Variants in SCFD2 observed in about 807,000 individuals in gnomAD.
SCFD2 encodes the protein sec1 family domain-containing protein 2.
A neutral mutation model predicts 58.9 loss-of-function variants in SCFD2; 54 were observed. The observed-to-expected ratio is 0.92, with a 90% CI of 0.74 to 1.15. SCFD2 has a LOEUF of 1.15. Among genes scored for constraint, SCFD2 ranks in the 50% most tolerant of loss-of-function variants. SCFD2 has a pLI of 0.00. For synonymous variants in SCFD2, 321 were observed against 335.9 expected (o/e 0.96, Z 0.49); for missense variants, 805 against 836.6 (o/e 0.96, Z 0.47).
At chr4:53,072,842 T>TAAG (rs1723861421) in intron 5 of SCFD2, among the ~76,000 whole-genome samples, 1 of 152,124 alleles carries the variant, frequency 6.6e-6, no homozygotes, top group Admixed American at 6.6e-5. Flanking sequence ...ACTCACTCCT[T>TAAG]GTGTGTCCGC....
chr4:52,931,629 T>C (rs1173366904), intron 5 of SCFD2, among the ~76,000 whole-genome samples: 5 of 152,222 alleles, frequency 3.3e-5, no homozygotes, highest in African/African-American at 4.8e-5. Flanking sequence ...TTAATCTGCT[T>C]ACTTTATTTT....
intron 5 of SCFD2, among the ~76,000 whole-genome samples, chr4:53,058,214 TTAA>T (rs1577693386): frequency 6.6e-6 from 1 of 152,176 alleles, no homozygotes; most frequent in Admixed American, 6.6e-5. Flanking sequence ...GAGATTATTA[TTAA>T]TGTTTTGCTA....
intron 5 of SCFD2, among the ~76,000 whole-genome samples, chr4:52,935,244 T>G (rs1449826454): frequency 6.6e-6 from 1 of 152,234 alleles, no homozygotes; most frequent in Admixed American, 6.5e-5. Flanking sequence ...TGTTAAGTGT[T>G]GTTGTGTCAG....
intron 5 of SCFD2, among the ~76,000 whole-genome samples, chr4:53,121,316 G>A (rs1199226972): frequency 1.3e-5 from 2 of 152,148 alleles, no homozygotes. Context: ...CCCCTTCTAA[G>A]GGGCAACCAT....
At chr4:53,218,320 T>C (rs1728925771) in intron 4 of SCFD2, among the ~76,000 whole-genome samples, 1 of 152,242 alleles carries the variant, frequency 6.6e-6, no homozygotes, top group Non-Finnish European at 1.5e-5. Flanking sequence ...GTCCCATATT[T>C]CTTGGAAGCT....
Position 53,366,023 on chromosome 4 carries a change from A to G in SCFD2, c.-82T>C, listed in dbSNP as rs1734697821. 2 of 1,463,130 alleles carry G rather than the reference A, an allele frequency of 1.4e-6. No individual in the cohort carries two copies. The highest frequency in any genetic ancestry group is 1.8e-6 in the Non-Finnish European group (2 of 1,099,910). The allele number at this position is 1,463,130 out of a possible 1,614,324, so 90.6% of individuals were successfully genotyped here. On this transcript the variant is annotated 5_prime_UTR_variant, in exon 1 of 9. Coordinates refer to ENST00000401642, the MANE Select transcript of SCFD2 (RefSeq NM_152540.4). ...CCGCTTCCGGAAATTGGGCTCCGGG[A>G]GACTTTGACAGTCTCCACAGTACAC... is the stretch of plus-strand genomic sequence containing the variant.
intron 4 of SCFD2, among the ~76,000 whole-genome samples, chr4:53,246,128 T>C: frequency 6.6e-6 from 1 of 151,960 alleles, no homozygotes; most frequent in Admixed American, 6.5e-5. Context: ...CCTAGGAATA[T>C]AGCTAATCAG....
intron 4 of SCFD2, among the ~76,000 whole-genome samples, chr4:53,228,505 C>A (rs546660954): frequency 6.6e-6 from 1 of 152,240 alleles, no homozygotes; most frequent in South Asian, 2.1e-4. Context: ...AAAATAGATA[C>A]AAACGTTAAG....
rs982367732 is a variant in SCFD2 at position 53,214,809 on chromosome 4, C to T, written c.1311+59017G>A. 7.2e-4 allele frequency among the ~76,000 whole-genome samples: 109 copies of T among 152,140 alleles called. 1 individual carries two copies. The highest frequency in any genetic ancestry group is 1.2e-3 in the Non-Finnish European group (83 of 68,024). On this transcript the variant is annotated intron_variant, in intron 4 of 8. Coordinates refer to ENST00000401642, the MANE Select transcript of SCFD2 (RefSeq NM_152540.4). ...AGGTCTAACATGTAAGTCTTTAATC[C>T]ACCTTGAATTAATTTTTGTATAAGA...
chr4:53,027,118 C>G (rs889061485), intron 5 of SCFD2, among the ~76,000 whole-genome samples: 2 of 152,182 alleles, frequency 1.3e-5, no homozygotes, highest in African/African-American at 4.8e-5. Flanking sequence ...GAACCATGGG[C>G]TTTTTTCCCT....
intron 3 of SCFD2, among the ~76,000 whole-genome samples, chr4:53,291,754 A>T (rs1410898454): frequency 6.6e-6 from 1 of 152,178 alleles, no homozygotes; most frequent in Admixed American, 6.5e-5. Flanking sequence ...AGTAACCAAA[A>T]CAGCATGGTA....
intron 5 of SCFD2, among the ~76,000 whole-genome samples, chr4:53,021,381 T>C (rs1169270433): frequency 2.0e-5 from 3 of 152,224 alleles, no homozygotes; most frequent in Non-Finnish European, 4.4e-5. Context: ...TTTTTAATAA[T>C]AGCAACTTTC....
chr4:53,035,643 A>T (rs1485253743), intron 5 of SCFD2, among the ~76,000 whole-genome samples: 2 of 152,054 alleles, frequency 1.3e-5, no homozygotes, highest in Non-Finnish European at 2.9e-5. Flanking sequence ...AAAACAAACA[A>T]CCCCATCAAA....
chr4:53,011,488 G>C (rs1404693245), intron 5 of SCFD2, among the ~76,000 whole-genome samples: 1 of 152,200 alleles, frequency 6.6e-6, no homozygotes, highest in Non-Finnish European at 1.5e-5. Flanking sequence ...CTAATATGCA[G>C]TGTTCTCTCT....
At chr4:52,960,726 ACAACAC>A (rs776523490) in intron 5 of SCFD2, among the ~76,000 whole-genome samples, 9 of 146,504 alleles carry the variant, frequency 6.1e-5, no homozygotes, top group Non-Finnish European at 8.9e-5. Context: ...ACACACACAC[ACAACAC>A]ACACACACAC....
chr4:52,885,319 C>T (rs901853338), intron 8 of SCFD2, among the ~76,000 whole-genome samples: 2 of 152,098 alleles, frequency 1.3e-5, no homozygotes, highest in Non-Finnish European at 2.9e-5. Context: ...ATATAGGCCC[C>T]TAAGGAATCA....
chr4:53,015,806 C>G (rs1273441009), intron 5 of SCFD2, among the ~76,000 whole-genome samples: 1 of 152,092 alleles, frequency 6.6e-6, no homozygotes, highest in East Asian at 1.9e-4. Context: ...TGAGCCACAA[C>G]GAGGCGCTCT....
chr4:53,040,124 C>T (rs1722859505), intron 5 of SCFD2, among the ~76,000 whole-genome samples: 1 of 152,166 alleles, frequency 6.6e-6, no homozygotes, highest in South Asian at 2.1e-4. Flanking sequence ...TGAGTATGTT[C>T]TGAAATCCTA....
At chr4:52,932,658 C>T (rs1720026146) in intron 5 of SCFD2, among the ~76,000 whole-genome samples, 2 of 152,080 alleles carry the variant, frequency 1.3e-5, no homozygotes, top group African/African-American at 4.8e-5. Context: ...CCTTTCATCC[C>T]TTTGTTTCTT....
Sources: gnomAD v4.1 joint callset for allele counts (sites outside exome capture counted in the v4.1 genomes callset) on GRCh38, gnomAD v4.1.1 for gene constraint, MANE v1.5 for transcripts, NCBI Gene and HGNC (gene_info 2026-07-23, HGNC 2026-07-21) for gene names.